GNMT: variants seen among roughly 807,000 people sequenced by gnomAD.
GNMT encodes the protein epididymis secretory sperm binding protein Li 182mP.
GNMT carries 26 observed loss-of-function variants against 30.2 expected under a neutral mutation model. The observed-to-expected ratio is 0.86, with a 90% CI of 0.63 to 1.19. The LOEUF is 1.19. GNMT is among the 50% of genes most tolerant of loss of function. The pLI, the probability that GNMT is intolerant of heterozygous loss-of-function variation, is 0.00. For synonymous variants in GNMT, 163 were observed against 163.8 expected (o/e 1.00, Z 0.04); for missense variants, 365 against 398.1 (o/e 0.92, Z 0.71).
Position 42,962,760 on chromosome 6 carries a change from A to G in GNMT, c.335-2A>G. ...ATTCCTCTTTCTCTTCCTGACCCCTAGTCATCGAAGAAGCCAACTGGATGA... is the reference window on the plus strand; with the variant it reads ...ATTCCTCTTTCTCTTCCTGACCCCTGGTCATCGAAGAAGCCAACTGGATGA... On this transcript the variant is annotated splice_acceptor_variant, in intron 2 of 5. Transcript: ENST00000372808. LOFTEE classifies it high-confidence loss of function. 6.2e-7 allele frequency: 1 copy of G among 1,603,732 alleles called. No individual in the cohort carries two copies. The highest frequency in any genetic ancestry group is 8.5e-7 in the Non-Finnish European group (1 of 1,170,468).
At position 42,962,981 on chromosome 6, in the gene GNMT, C is replaced by A. The variant is rs904285290; in HGVS notation, c.452-91C>A. The A allele has an allele frequency of 1.3e-5, 21 of 1,589,354 alleles. No homozygotes were observed. In the African/African-American group the frequency reaches 2.6e-4, roughly 19 times the overall value. On this transcript the variant is annotated intron_variant, in intron 3 of 5. Transcript: ENST00000372808. ...CCAAAGCAGACTCTCTGCCTTGGCT[C>A]TGGCACCCCTGGGGAGGGGAGAGAT...
rs760561817 is a variant in GNMT, at chr6:42,963,724, A to T, written c.*18A>T. Reference sequence around the variant, plus strand: ...CAGACTGAGTGTGGCCTCAGCTCCCACAAGCCTCTGCCCAGGCACTGCTAG... The same window carrying T: ...CAGACTGAGTGTGGCCTCAGCTCCCTCAAGCCTCTGCCCAGGCACTGCTAG... On this transcript the variant is annotated 3_prime_UTR_variant, in exon 6 of 6. Transcript: ENST00000372808. 6.2e-7 allele frequency: 1 copy of T among 1,613,014 alleles called. No homozygotes were observed. Among genetic ancestry groups the T allele is most frequent in the Non-Finnish European group, 8.5e-7 (1 of 1,179,158 alleles).
chr6:42,961,066 C>G, intron 1 of GNMT, 93 bp downstream of exon 1: 2 of 1,116,556 alleles, frequency 1.8e-6, no homozygotes, highest in Non-Finnish European at 2.5e-6. Context: ...CCGGGCACGT[C>G]AGGGCGGCCT....
In GNMT at chr6:42,963,199, G is replaced by A. The variant is rs1429685802; in HGVS notation, c.579G>A (p.Lys193=). Reference sequence around the variant, plus strand: ...GTACAGGCTGTGCACCCCCAGGGAAGAACATCTACTATAAGGTGGGGCCCT... The same window carrying A: ...GTACAGGCTGTGCACCCCCAGGGAAAAACATCTACTATAAGGTGGGGCCCT... The part of the protein sequence containing the change: ...ILSTGCAPPG[K]NIYYKSDLTK... The change falls in exon 4 of 6, where the codon AAG becomes AAA. Residue 193 remains lysine (K), a synonymous_variant. Coordinates refer to ENST00000372808, the MANE Select transcript of GNMT (RefSeq NM_018960.6). The A allele has an allele frequency of 7.2e-7, 1 of 1,390,750 alleles. No homozygotes were observed. The highest frequency in any genetic ancestry group is 9.5e-7 in the Non-Finnish European group (1 of 1,049,246). The allele number at this position is 1,390,750 out of a possible 1,614,324, so 86.2% of individuals were successfully genotyped here.
chr6:42,960,938 C>A lies in GNMT; in HGVS notation c.171C>A (p.Gly57=). 1 of 1,564,936 alleles carries A rather than the reference C, an allele frequency of 6.4e-7. No individual in the cohort carries two copies. Among genetic ancestry groups the A allele is most frequent in the Non-Finnish European group, 8.6e-7 (1 of 1,160,710 alleles). The part of the protein sequence containing the change: ...AWLLGLLRQH[G]CQRVLDVACG... ...TGCTTGGGCTGCTGCGCCAGCACGG[C>A]TGCCAGCGGGTGCTCGACGTAGCCT... is the stretch of plus-strand genomic sequence containing the variant. The change falls in exon 1 of 6, where the codon GGC becomes GGA. Residue 57 remains glycine (G), a synonymous_variant. Transcript: ENST00000372808.
In GNMT at chr6:42,963,697, G is replaced by A. The variant is rs138422129; in HGVS notation, c.879G>A (p.Arg293=). ...GCTACTTCATCCACGTGCTCAAGAG[G>A]ACAGACTGAGTGTGGCCTCAGCTCC... is the stretch of plus-strand genomic sequence containing the variant. The part of the protein sequence containing the change: ...IPCYFIHVLK[R]TD Residue 293 remains arginine, a synonymous_variant, in exon 6 of 6, where the codon AGG becomes AGA. Transcript: ENST00000372808. The A allele has an allele frequency of 4.3e-5, 69 of 1,614,072 alleles. No homozygotes were observed. Among genetic ancestry groups the A allele is most frequent in the African/African-American group, 1.1e-4 (8 of 75,030 alleles).
At chr6:42,961,128 C>T (rs1168442337) in intron 1 of GNMT, among the ~76,000 whole-genome samples, 155 bp downstream of exon 1, 1 of 152,196 alleles carries the variant, frequency 6.6e-6, no homozygotes, top group Non-Finnish European at 1.5e-5. Flanking sequence ...GGTACCTGCC[C>T]GGCAGAACAG....
chr6:42,962,911 C>G lies in GNMT; in HGVS notation c.451+33C>G, dbSNP rs372224028. On this transcript the variant is annotated intron_variant, in intron 3 of 5. Coordinates refer to ENST00000372808, the MANE Select transcript of GNMT (RefSeq NM_018960.6). ...AGGGTGTGGCCTTGGGCATGGCCCCCGCCTTGAGGCCCCCTTCCACAGACA... is the reference window on the plus strand; with the variant it reads ...AGGGTGTGGCCTTGGGCATGGCCCCGGCCTTGAGGCCCCCTTCCACAGACA... 3.8e-6 allele frequency: 6 copies of G among 1,579,320 alleles called. No homozygotes were observed. In the African/African-American group the frequency reaches 8.1e-5, roughly 21 times the overall value.
Position 42,963,736 on chromosome 6 carries a change from C to T in GNMT, c.*30C>T, listed in dbSNP as rs759377378. On this transcript the variant is annotated 3_prime_UTR_variant, in exon 6 of 6. Coordinates refer to ENST00000372808, the MANE Select transcript of GNMT (RefSeq NM_018960.6). ...GGCCTCAGCTCCCACAAGCCTCTGC[C>T]CAGGCACTGCTAGGCTCTGTCTGGA... 6.2e-7 allele frequency: 1 copy of T among 1,608,156 alleles called. No individual in the cohort carries two copies. Among genetic ancestry groups the T allele is most frequent in the South Asian group, 1.1e-5 (1 of 90,906 alleles).
chr6:42,962,453 C>T (rs1769457725), intron 2 of GNMT, 114 bp downstream of exon 2: 2 of 1,137,434 alleles, frequency 1.8e-6, no homozygotes, highest in Non-Finnish European at 2.6e-6. Flanking sequence ...CTCGGGGAGA[C>T]AGAAAAATTA....
intron 1 of GNMT, among the ~76,000 whole-genome samples, chr6:42,961,818 G>A (rs1769406842): frequency 6.6e-6 from 1 of 152,110 alleles, no homozygotes; most frequent in Admixed American, 6.6e-5. Flanking sequence ...CTCCCAAAGT[G>A]CTGGGATTAC....
Position 42,963,387 on chromosome 6 carries a change from G to T in GNMT, c.654G>T (p.Met218Ile). 6.2e-7 allele frequency: 1 copy of T among 1,613,884 alleles called. No individual in the cohort carries two copies. Among genetic ancestry groups the T allele is most frequent in the Non-Finnish European group, 8.5e-7 (1 of 1,179,896 alleles). ...SVLIVNNKAHMVTLDYTVQVP... is the reference protein window; with the variant it reads ...SVLIVNNKAHIVTLDYTVQVP... The stretch of plus-strand genomic sequence containing the variant: ...TGATAGTGAACAACAAGGCCCACAT[G>T]GTGACCCTGGACTATACGGTGCAGG... The change falls in exon 5 of 6, where the codon ATG becomes ATT. Residue 218 changes from methionine to isoleucine, a missense_variant. Met to Ile is a conservative substitution (Grantham distance 10). Transcript: ENST00000372808.
In GNMT at chr6:42,962,842, C is replaced by T; in HGVS notation, c.415C>T (p.Leu139Phe). Reference sequence around the variant, plus strand: ...GGGTGGCTTTGATGCTGTCATCTGCCTTGGAAACAGTTTCGCTCACTTGCC... The same window carrying T: ...GGGTGGCTTTGATGCTGTCATCTGCTTTGGAAACAGTTTCGCTCACTTGCC... ...AEGGFDAVICLGNSFAHLPDC... is the reference protein window; with the variant it reads ...AEGGFDAVICFGNSFAHLPDC... Residue 139 changes from leucine to phenylalanine, a missense_variant, in exon 3 of 6, where the codon CTT becomes TTT. By Grantham distance (22) the Leu-to-Phe change is conservative (BLOSUM62 0). Transcript: ENST00000372808. The T allele has an allele frequency of 6.2e-7, 1 of 1,614,020 alleles. No individual in the cohort carries two copies. The highest frequency in any genetic ancestry group is 8.5e-7 in the Non-Finnish European group (1 of 1,179,884).
intron 1 of GNMT, among the ~76,000 whole-genome samples, chr6:42,961,381 T>C (rs992996991): frequency 1.3e-5 from 2 of 152,088 alleles, no homozygotes; most frequent in Non-Finnish European, 2.9e-5. Context: ...TTTTGATACA[T>C]CACTTTTTCA....
chr6:42,962,157 C>T (rs181496341), intron 1 of GNMT, 55 bp from the exon 2 acceptor site: 4 of 1,609,882 alleles, frequency 2.5e-6, no homozygotes, highest in East Asian at 4.5e-5. Context: ...TCCTCCTGGC[C>T]CTCCCAGGCT....
Position 42,960,805 on chromosome 6 carries a change from T to C in GNMT, c.38T>C (p.Val13Ala). ...GTGTACCGGACCCGCTCCCTGGGGG[T>C]GGCGGCCGAAGGGCTCCCGGACCAG... ...DSVYRTRSLGVAAEGLPDQYA... is the reference protein window; with the variant it reads ...DSVYRTRSLGAAAEGLPDQYA... Residue 13 changes from valine (V) to alanine (A), a missense_variant, in exon 1 of 6, where the codon GTG becomes GCG. Val to Ala is a moderately conservative substitution (Grantham distance 64). This residue lies in a region of GNMT where 125 missense variants were observed against 112.0 expected (regional missense o/e 1.12). Coordinates refer to ENST00000372808, the MANE Select transcript of GNMT (RefSeq NM_018960.6). 6.4e-7 allele frequency: 1 copy of C among 1,553,384 alleles called. No individual in the cohort carries two copies.
intron 1 of GNMT, 74 bp from the exon 2 acceptor site, chr6:42,962,138 T>A (rs1242193608): frequency 6.5e-7 from 1 of 1,549,398 alleles, no homozygotes; most frequent in African/African-American, 1.4e-5. Context: ...AAGTGTCCAG[T>A]GCAGGGTCTC....
chr6:42,963,637 C>A lies in GNMT; in HGVS notation c.819C>A (p.Phe273Leu). The A allele has an allele frequency of 6.2e-7, 1 of 1,614,194 alleles. No homozygotes were observed. Reference sequence around the variant, plus strand: ...GCCAGCACAGCGTCCTGGGCGACTTCAAGCCTTACAAGCCAGGCCAAACCT... The same window carrying A: ...GCCAGCACAGCGTCCTGGGCGACTTAAAGCCTTACAAGCCAGGCCAAACCT... ...GKCQHSVLGD[F>L]KPYKPGQTYI... Residue 273 changes from phenylalanine (F) to leucine (L), a missense_variant, in exon 6 of 6, where the codon TTC becomes TTA. Physicochemically the swap from Phe to Leu is conservative, Grantham distance 22. Around this residue, in one of 3 missense-constraint regions of GNMT, gnomAD observed 232 missense variants for 263.0 expected, o/e 0.88. Transcript: ENST00000372808.
chr6:42,962,120 A>C, intron 1 of GNMT, 92 bp from the exon 2 acceptor site: 10 of 1,393,922 alleles, frequency 7.2e-6, no homozygotes, highest in Non-Finnish European at 1.0e-5. Context: ...TCTGAGAAGT[A>C]GAGACAAAAG....
Sources: allele counts gnomAD v4.1 joint callset (sites outside exome capture counted in the v4.1 genomes callset), GRCh38; gene constraint gnomAD v4.1.1; regional missense constraint gnomAD v4.1.1; transcripts MANE v1.5; gene names NCBI Gene and HGNC (gene_info 2026-07-23, HGNC 2026-07-21).